The following PDE9A variants were observed in gnomAD, a reference collection of about 807,000 sequenced individuals.
PDE9A encodes high affinity cGMP-specific 3',5'-cyclic phosphodiesterase 9A.
A neutral mutation model predicts 87.4 loss-of-function variants in PDE9A; 60 were observed. The ratio of observed to expected loss-of-function variants is 0.69; its 90% CI spans 0.56 to 0.85. The LOEUF is 0.85. Ranked by LOEUF, PDE9A falls within the 40% of genes least tolerant of loss-of-function variation. PDE9A has a pLI of 0.00. For missense variants in PDE9A, 665 were observed against 779.0 expected, an observed-to-expected ratio of 0.85 and a Z score of 1.74; for synonymous variants, 272 against 279.4, an observed-to-expected ratio of 0.97 and a Z score of 0.27.
intron 1 of PDE9A, among the ~76,000 whole-genome samples, chr21:42,668,155 G>C (rs973721282): frequency 9.2e-5 from 14 of 152,124 alleles, no homozygotes; most frequent in African/African-American, 3.4e-4. Flanking sequence ...GCTCGAAGGG[G>C]CTGCGTGCTG....
At chr21:42,748,636 C>G (rs2054119638) in intron 8 of PDE9A, among the ~76,000 whole-genome samples, 1 of 152,212 alleles carries the variant, frequency 6.6e-6, no homozygotes. Flanking sequence ...GGCAATGTCC[C>G]CCCAGTTTAA....
At position 42,751,148 on chromosome 21, in the gene PDE9A, A is replaced by G; in HGVS notation, c.686A>G (p.Asp229Gly). The change falls in exon 9 of 20, where the codon GAT becomes GGT. Residue 229 changes from aspartate to glycine, a missense_variant. Coordinates refer to ENST00000291539, the MANE Select transcript of PDE9A (RefSeq NM_002606.3). ...TGCCCCTGTAAGTACAGTTTTTTGGATAACCACAAGAAGTTGACTCCTCGA... is the reference window on the plus strand; with the variant it reads ...TGCCCCTGTAAGTACAGTTTTTTGGGTAACCACAAGAAGTTGACTCCTCGA... ...TNCPCKYSFLDNHKKLTPRRD... is the reference protein window; with the variant it reads ...TNCPCKYSFLGNHKKLTPRRD... 6.2e-7 allele frequency: 1 copy of G among 1,613,074 alleles called. No homozygotes were observed. Among genetic ancestry groups the G allele is most frequent in the Admixed American group, 1.7e-5 (1 of 60,008 alleles).
chr21:42,704,706 G>T lies in PDE9A; in HGVS notation c.262+5695G>T, dbSNP rs987166018. 1.4e-5 allele frequency among the ~76,000 whole-genome samples: 2 copies of T among 146,178 alleles called. No homozygotes were observed. Among genetic ancestry groups the T allele is most frequent in the African/African-American group, 4.9e-5 (2 of 40,516 alleles). On this transcript the variant is annotated intron_variant, in intron 4 of 19. Transcript: ENST00000291539. This position sits in a 1 kb window ranked among gnomAD's most constrained non-coding sequence, Gnocchi z 5.3. The stretch of plus-strand genomic sequence containing the variant: ...TCAACAGACCACATTTCCAGTGGCA[G>T]AAAAGGAAATGGGAGCTGTTTCTAG...
At chr21:42,740,573 AGATGGATGGGTGGATG>A (rs1339334769) in intron 7 of PDE9A, among the ~76,000 whole-genome samples, 41 of 90,254 alleles carry the variant, frequency 4.5e-4, no homozygotes, top group Non-Finnish European at 6.7e-4. Context: ...ATGAATGCAT[AGATGGATGGGTGGATG>A]GATGGATGGA....
Position 42,687,982 on chromosome 21 carries a change from C to T in PDE9A, c.206C>T (p.Ala69Val), listed in dbSNP as rs776837240. The T allele has an allele frequency of 1.2e-5, 20 of 1,612,646 alleles. No homozygotes were observed. Among genetic ancestry groups the T allele is most frequent in the South Asian group, 2.2e-5 (2 of 91,068 alleles). ...AMVSIDPTMP[A>V]NSERTPYKVR... ...GTCTCCATCGACCCCACCATGCCCG[C>T]GAATTCAGAACGGTAAGAGGCTCCG... Residue 69 changes from alanine (A) to valine (V), a missense_variant, in exon 3 of 20, where the codon GCG (alanine) becomes GTG (valine). Coordinates refer to ENST00000291539, the MANE Select transcript of PDE9A (RefSeq NM_002606.3).
At position 42,760,581 on chromosome 21, in the gene PDE9A, C is replaced by T. The variant is rs62213433; in HGVS notation, c.1002+149C>T. The T allele has an allele frequency of 0.05, 31,647 of 635,500 alleles. 909 individuals are homozygous for T. Among genetic ancestry groups the T allele is most frequent in the Middle Eastern group, 0.08 (231 of 2,888 alleles). 39.4% of individuals were successfully genotyped at this position (635,500 alleles called of 1,614,324 possible). On this transcript the variant is annotated intron_variant, in intron 12 of 19. Coordinates refer to ENST00000291539, the MANE Select transcript of PDE9A (RefSeq NM_002606.3). This position sits in a 1 kb window ranked among gnomAD's most constrained non-coding sequence, Gnocchi z 5.2. Reference sequence around the variant, plus strand: ...CCCCTCCTAGGGACGCACCCCTGCCCACCGTTGTCAGTCACCCCATGGGCG... The same window carrying T: ...CCCCTCCTAGGGACGCACCCCTGCCTACCGTTGTCAGTCACCCCATGGGCG...
intron 15 of PDE9A, among the ~76,000 whole-genome samples, chr21:42,767,221 C>T (rs540138003): frequency 3.3e-5 from 5 of 152,158 alleles, no homozygotes; most frequent in Admixed American, 1.3e-4. Context: ...GAGGATAGTG[C>T]GGGCCAGCGT....
Position 42,704,993 on chromosome 21 carries a change from T to C in PDE9A, c.262+5982T>C, listed in dbSNP as rs975951762. 1.3e-5 allele frequency among the ~76,000 whole-genome samples: 2 copies of C among 152,180 alleles called. No individual in the cohort carries two copies. Among genetic ancestry groups the C allele is most frequent in the African/African-American group, 4.8e-5 (2 of 41,436 alleles). On this transcript the variant is annotated intron_variant, in intron 4 of 19. Coordinates refer to ENST00000291539, the MANE Select transcript of PDE9A (RefSeq NM_002606.3). This position sits in a 1 kb window ranked among gnomAD's most constrained non-coding sequence, Gnocchi z 5.3. ...GTGACTTTTCATAGAAAAGGGAGAA[T>C]AGGCCAGCCCTGGCCTGGGTCCACA...
At chr21:42,697,547 C>CAGG in intron 3 of PDE9A, 2 of 1,047,108 alleles carry the variant, frequency 1.9e-6, no homozygotes, top group Non-Finnish European at 3.0e-6. Context: ...ACTGCAGTGT[C>CAGG]TCAGTCTGTC....
rs1021632177 is a variant in PDE9A, at chr21:42,751,128, CT to C, written c.667del (p.Cys223ValfsTer12). On this transcript the variant is annotated frameshift_variant, in exon 9 of 20. Coordinates refer to ENST00000291539, the MANE Select transcript of PDE9A (RefSeq NM_002606.3). LOFTEE classifies it high-confidence loss of function. ...TCCTTCTCTCTAGGACCAACTGCCCCTGTAAGTACAGTTTTTTGGATAACCA... is the reference window on the plus strand; with the variant it reads ...TCCTTCTCTCTAGGACCAACTGCCCCGTAAGTACAGTTTTTTGGATAACCA... ...AARSSRTNCP[C>X]KYSFLDNHKK... 4.4e-6 allele frequency: 7 copies of C among 1,608,792 alleles called. No homozygotes were observed. The highest frequency in any genetic ancestry group is 5.1e-6 in the Non-Finnish European group (6 of 1,175,204).
intron 17 of PDE9A, among the ~76,000 whole-genome samples, chr21:42,769,661 T>TGCACACCGGTACACAC (rs1569280341): frequency 6.3e-4 from 21 of 33,334 alleles, no homozygotes; most frequent in African/African-American, 3.8e-3. Context: ...CAGGCACACA[T>TGCACACCGGTACACAC]AGGCACACAA....
At chr21:42,657,851 G>A (rs1227728926) in intron 1 of PDE9A, among the ~76,000 whole-genome samples, 2 of 152,250 alleles carry the variant, frequency 1.3e-5, no homozygotes, top group Non-Finnish European at 2.9e-5. Flanking sequence ...CCTCTGGGCT[G>A]TGGTGTTCTG....
rs1027279714 is a variant in PDE9A at position 42,694,581 on chromosome 21, C to T, written c.219-4387C>T. 6.6e-6 allele frequency among the ~76,000 whole-genome samples: 1 copy of T among 152,214 alleles called. No individual in the cohort carries two copies. The highest frequency in any genetic ancestry group is 6.5e-5 in the Admixed American group (1 of 15,290). On this transcript the variant is annotated intron_variant, in intron 3 of 19. Coordinates refer to ENST00000291539, the MANE Select transcript of PDE9A (RefSeq NM_002606.3). The surrounding 1 kb of genome is among the most constrained non-coding windows in gnomAD (Gnocchi z 5.3). ...TCTCTGCTCCTCATTCCAAACTAAA[C>T]AAATTGTTGCATTGGATTATTCTTT...
At chr21:42,738,928 T>C (rs1266791051) in intron 7 of PDE9A, among the ~76,000 whole-genome samples, 4 of 152,212 alleles carry the variant, frequency 2.6e-5, no homozygotes, top group Non-Finnish European at 5.9e-5. Flanking sequence ...TGACCTCAGG[T>C]GATCCACCTG....
intron 1 of PDE9A, among the ~76,000 whole-genome samples, chr21:42,662,655 GCA>G (rs751060582): frequency 4.4e-4 from 46 of 105,348 alleles, no homozygotes; most frequent in Non-Finnish European, 6.0e-4. Flanking sequence ...CCCACACCAT[GCA>G]CACACACACC....
intron 1 of PDE9A, among the ~76,000 whole-genome samples, chr21:42,684,096 G>A (rs1381076805): frequency 6.6e-6 from 1 of 152,248 alleles, no homozygotes; most frequent in Non-Finnish European, 1.5e-5. Context: ...CAGATTCCTA[G>A]GGCCCAACCC....
intron 1 of PDE9A, among the ~76,000 whole-genome samples, chr21:42,654,854 C>A (rs2056928385): frequency 6.6e-6 from 1 of 152,168 alleles, no homozygotes; most frequent in African/African-American, 2.4e-5. Flanking sequence ...ACAGCCCTCT[C>A]CCACCGTAGC....
At chr21:42,669,412 A>C (rs1231979870) in intron 1 of PDE9A, among the ~76,000 whole-genome samples, 2 of 152,188 alleles carry the variant, frequency 1.3e-5, no homozygotes, top group African/African-American at 2.4e-5. Context: ...GTTTCACTCC[A>C]CATTTGAATT....
At chr21:42,667,188 T>C (rs533778728) in intron 1 of PDE9A, among the ~76,000 whole-genome samples, 10 of 152,208 alleles carry the variant, frequency 6.6e-5, no homozygotes, top group African/African-American at 2.2e-4. Flanking sequence ...TTTGAGGAGG[T>C]TGGCTGGAGA....
Sources: gnomAD v4.1 joint callset for allele counts (sites outside exome capture counted in the v4.1 genomes callset) on GRCh38, gnomAD v4.1.1 for gene constraint, Gnocchi (gnomAD v3.1) non-coding constraint, MANE v1.5 for transcripts, NCBI Gene and HGNC (gene_info 2026-07-23, HGNC 2026-07-21) for gene names.